Variants in FXYD3 observed in about 807,000 individuals in gnomAD.
FXYD3 encodes FXYD domain containing ion transport regulator 3, also known as FXYD domain-containing ion transport regulator 3.
A neutral mutation model predicts 19.2 loss-of-function variants in FXYD3; 13 were observed. The ratio of observed to expected loss-of-function variants is 0.68; its 90% CI spans 0.44 to 1.08. FXYD3 has a LOEUF of 1.08. Among genes scored for constraint, FXYD3 ranks in the 50% least tolerant of loss-of-function variants. The pLI is 0.00. For synonymous variants in FXYD3, 48 were observed against 38.9 expected (o/e 1.23, Z -0.87); for missense variants, 101 against 109.4 (o/e 0.92, Z 0.34).
chr19:35,118,628 C>T lies in FXYD3; in HGVS notation c.-14-735C>T, dbSNP rs1490448707. The T allele has an allele frequency of 2.2e-5, 21 of 974,000 alleles. No homozygotes were observed. In the East Asian group the frequency reaches 3.3e-4, roughly 15 times the overall value. The allele number at this position is 974,000 out of a possible 1,614,324, so 60.3% of individuals were successfully genotyped here. On this transcript the variant is annotated intron_variant, in intron 2 of 8. Transcript: ENST00000604404. ...GGGTCAGGGGCTGGGCTGGGGACCC[C>T]GGCTAGGCAGAGCCAGGGCTGGGAC...
At chr19:35,117,212 C>A (rs1490737718) in intron 2 of FXYD3, 1 of 1,430,904 alleles carries the variant, frequency 7.0e-7, no homozygotes, top group Non-Finnish European at 9.1e-7. Context: ...CAGCTCCCGG[C>A]TCCCTGCAGC....
chr19:35,119,090 C>T, intron 2 of FXYD3: 1 of 1,020,890 alleles, frequency 9.8e-7, no homozygotes, highest in South Asian at 1.4e-5. Flanking sequence ...GCAGTGGCGC[C>T]CTTGTTTGGT....
chr19:35,117,226 C>T (rs549540810), intron 2 of FXYD3: 240 of 1,447,434 alleles, frequency 1.7e-4, no homozygotes, highest in Non-Finnish European at 1.3e-4. Flanking sequence ...CTGCAGCCTC[C>T]GGAAGCATGG....
Position 35,122,908 on chromosome 19 carries a change from T to G in FXYD3, c.173-10T>G. The G allele has an allele frequency of 6.2e-7, 1 of 1,612,106 alleles. No individual in the cohort carries two copies. The highest frequency in any genetic ancestry group is 8.5e-7 in the Non-Finnish European group (1 of 1,179,052). On this transcript the variant is annotated splice_polypyrimidine_tract_variant and intron_variant, in intron 6 of 8. Coordinates refer to ENST00000604404, the MANE Select transcript of FXYD3 (RefSeq NM_005971.4). ...CTCCCCTCCCCTGACCACTCAGCTC[T>G]CCCCAACAGGTGCAAAATGCAAATG...
chr19:35,116,938 C>T lies in FXYD3; in HGVS notation c.-15+579C>T, dbSNP rs879672589. ...CTTGGGAGATTTCAGGAGCACACAG[C>T]GGGCAGGATCTTTCTACCCACCCCT... On this transcript the variant is annotated intron_variant, in intron 2 of 8. Transcript: ENST00000604404. 33 of 984,928 alleles carry T rather than the reference C, an allele frequency of 3.4e-5. No homozygotes were observed. In the African/African-American group the frequency reaches 3.7e-4, roughly 11 times the overall value. The allele number at this position is 984,928 out of a possible 1,614,324, so 61.0% of individuals were successfully genotyped here.
intron 5 of FXYD3, chr19:35,121,629 C>A: frequency 2.1e-6 from 2 of 940,180 alleles, no homozygotes; most frequent in South Asian, 2.3e-5. Context: ...CTGCCCTCAC[C>A]TCTCCACGCT....
At chr19:35,121,537 A>G (rs2065044080) in intron 5 of FXYD3, 1 of 1,408,306 alleles carries the variant, frequency 7.1e-7, no homozygotes, top group Admixed American at 3.0e-5. Context: ...GACTTGAGAA[A>G]ACTTCCTGGA....
At position 35,122,920 on chromosome 19, in the gene FXYD3, G is replaced by A. The variant is rs1169267334; in HGVS notation, c.175G>A (p.Ala59Thr). The part of the protein sequence containing the change: ...CAMGIIIVMS[A>T]KCKCKFGQKS... ...GACCACTCAGCTCTCCCCAACAGGTGCAAAATGCAAATGCAAGTTTGGCCA... is the reference window on the plus strand; with the variant it reads ...GACCACTCAGCTCTCCCCAACAGGTACAAAATGCAAATGCAAGTTTGGCCA... Residue 59 changes from alanine (A) to threonine (T), a missense_variant and splice_region_variant, in exon 7 of 9, where the codon GCA becomes ACA. Transcript: ENST00000604404. The A allele has an allele frequency of 1.9e-6, 3 of 1,608,766 alleles. No individual in the cohort carries two copies. The African/African-American group carries it at 4.0e-5, about 22-fold the overall frequency.
chr19:35,119,462 T>G (rs2064984537), intron 3 of FXYD3, 46 bp downstream of exon 3: 2 of 1,530,310 alleles, frequency 1.3e-6, no homozygotes, highest in African/African-American at 2.7e-5. Flanking sequence ...ATCCCCTGGA[T>G]GCGGGGATCC....
chr19:35,121,160 G>C (rs753471819), intron 4 of FXYD3, 50 bp downstream of exon 4: 2 of 1,614,126 alleles, frequency 1.2e-6, no homozygotes, highest in Non-Finnish European at 1.7e-6. Context: ...TCTCCCCTGG[G>C]TGGGGAAGGC....
intron 8 of FXYD3, 50 bp downstream of exon 8, chr19:35,123,358 G>GTA (rs747469345): frequency 4.2e-5 from 68 of 1,611,198 alleles, no homozygotes; most frequent in Non-Finnish European, 5.7e-5. Flanking sequence ...TGGTGTGTGT[G>GTA]TGTGTGTGTA....
At position 35,116,329 on chromosome 19, in the gene FXYD3, GA is replaced by G. The variant is rs1392896296; in HGVS notation, c.-43del. 24 of 985,352 alleles carry G rather than the reference GA, an allele frequency of 2.4e-5. No homozygotes were observed. The highest frequency in any genetic ancestry group is 2.9e-5 in the Non-Finnish European group (24 of 829,988). 61.0% of individuals were successfully genotyped at this position (985,352 alleles called of 1,614,324 possible). ...CCGCCTGGCAGCCCGATTTCTCCCG[GA>G]ACCTCTGCTCAGCCTGGTGAACCAC... On this transcript the variant is annotated 5_prime_UTR_variant, in exon 2 of 9. Transcript: ENST00000604404.
intron 2 of FXYD3, chr19:35,117,280 T>C (rs2064912639): frequency 6.6e-7 from 1 of 1,504,426 alleles, no homozygotes; most frequent in African/African-American, 1.4e-5. Flanking sequence ...GAGGATACCA[T>C]CTGTCAGTCT....
At chr19:35,119,723 T>G in intron 3 of FXYD3, 1 of 450,372 alleles carries the variant, frequency 2.2e-6, no homozygotes, top group Non-Finnish European at 4.0e-6. Flanking sequence ...CAGGCTGGAG[T>G]GCAATGGCGC....
chr19:35,123,193 G>C, intron 7 of FXYD3, 78 bp from the exon 8 acceptor site: 1 of 1,520,134 alleles, frequency 6.6e-7, no homozygotes, highest in Non-Finnish European at 8.8e-7. Context: ...GACATGTCTG[G>C]GCAGGCTAAG....
intron 7 of FXYD3, 50 bp from the exon 8 acceptor site, chr19:35,123,221 G>C (rs1326738523): frequency 1.0e-5 from 16 of 1,546,700 alleles, no homozygotes; most frequent in Non-Finnish European, 1.0e-5. Flanking sequence ...TATCCGGAGG[G>C]AGAGGGCAAA....
Position 35,115,871 on chromosome 19 carries a change from ATGTGGCCTGGAAGGGGAC to A in FXYD3, c.-197_-180del, listed in dbSNP as rs2064875207. 1 of 152,228 alleles carries A rather than the reference ATGTGGCCTGGAAGGGGAC, an allele frequency of 6.6e-6. No individual in the cohort carries two copies. Among genetic ancestry groups the A allele is most frequent in the South Asian group, 2.1e-4 (1 of 4,828 alleles). 9.4% of individuals were successfully genotyped at this position (152,228 alleles called of 1,614,324 possible). A position where few individuals can be genotyped will look rare whatever the true frequency, so the allele number is the denominator to read the frequency against. On this transcript the variant is annotated 5_prime_UTR_variant, in exon 1 of 9. It removes an upstream start codon present in the reference 5' UTR. Transcript: ENST00000604404. The stretch of plus-strand genomic sequence containing the variant: ...ATCCTGAAATTGTACCAGCGGCAAG[ATGTGGCCTGGAAGGGGAC>A]TTTAAGTTCTCCACAACTGCCAGCA...
Position 35,117,864 on chromosome 19 carries a change from G to A in FXYD3, c.-14-1499G>A, listed in dbSNP as rs368670987. On this transcript the variant is annotated intron_variant, in intron 2 of 8. Transcript: ENST00000604404. ...CAGGCCCTGGGGTGCCAGGCAGAGG[G>A]AGGAGTCTGTGCCAACCTGCAAGGA... Among the ~76,000 whole-genome samples, 48 of 152,184 alleles carry A rather than the reference G, an allele frequency of 3.2e-4. No homozygotes were observed. The East Asian group carries it at 3.5e-3, about 11-fold the overall frequency.
chr19:35,117,756 G>GTAAAAAAAAAAAAAAAA (rs1568383057), intron 2 of FXYD3, among the ~76,000 whole-genome samples: 2 of 9,660 alleles, frequency 2.1e-4, no homozygotes, highest in Non-Finnish European at 4.1e-4. Flanking sequence ...CTTTCTTCCC[G>GTAAAAAAAAAAAAAAAA]CAAAAAAAGG....
Sources: allele counts gnomAD v4.1 joint callset (sites outside exome capture counted in the v4.1 genomes callset), GRCh38; gene constraint gnomAD v4.1.1; transcripts MANE v1.5; gene names NCBI Gene and HGNC (gene_info 2026-07-23, HGNC 2026-07-21).